The following NGEF variants were observed in gnomAD, a reference collection of about 807,000 sequenced individuals.
NGEF encodes ephexin-1.
In NGEF, 31 loss-of-function variants were observed where a neutral mutation model predicts 80.9. That is an observed-to-expected ratio of 0.38 (90% confidence interval 0.29 to 0.52). NGEF has a LOEUF of 0.52. Among genes scored for constraint, NGEF ranks in the 20% least tolerant of loss-of-function variants. The probability of loss-of-function intolerance (pLI) is 0.84; values close to 1 mark genes in which losing one functional copy is unlikely to be tolerated. For synonymous variants in NGEF, 371 were observed against 370.2 expected (o/e 1.00, Z -0.03); for missense variants, 709 against 926.2 (o/e 0.77, Z 3.04).
At chr2:232,922,778 C>T (rs1309176088) in intron 4 of NGEF, among the ~76,000 whole-genome samples, 1 of 152,152 alleles carries the variant, frequency 6.6e-6, no homozygotes, top group Non-Finnish European at 1.5e-5. Flanking sequence ...TTTAAAAATG[C>T]AGTTTCCAAG....
chr2:232,885,965 A>T (rs937091823), intron 9 of NGEF, among the ~76,000 whole-genome samples: 1 of 152,270 alleles, frequency 6.6e-6, no homozygotes, highest in African/African-American at 2.4e-5. Context: ...TAAAATAGTT[A>T]TGATCTATGC....
chr2:232,902,819 C>A (rs778870162), intron 5 of NGEF, among the ~76,000 whole-genome samples: 1 of 152,068 alleles, frequency 6.6e-6, no homozygotes, highest in Non-Finnish European at 1.5e-5. Context: ...ATGGTGAAAC[C>A]CCGTCTCTAC....
At chr2:232,987,564 G>A (rs1346454625) in intron 1 of NGEF, among the ~76,000 whole-genome samples, 1 of 152,144 alleles carries the variant, frequency 6.6e-6, no homozygotes, top group Non-Finnish European at 1.5e-5. Flanking sequence ...CCTGCAGGAA[G>A]GAGAGGCTCC....
chr2:232,885,923 C>G (rs1214297387), intron 9 of NGEF, among the ~76,000 whole-genome samples: 2 of 152,222 alleles, frequency 1.3e-5, no homozygotes, highest in East Asian at 3.9e-4. Context: ...GAAACACGCT[C>G]GCCAGCCTCA....
chr2:232,884,351 C>CATGA (rs1223990718), intron 10 of NGEF, among the ~76,000 whole-genome samples: 1 of 152,146 alleles, frequency 6.6e-6, no homozygotes, highest in African/African-American at 2.4e-5. Flanking sequence ...CCCCTGTGGG[C>CATGA]ATGAGTGTGC....
chr2:232,900,966 C>A (rs534973939), intron 5 of NGEF, among the ~76,000 whole-genome samples: 1 of 152,334 alleles, frequency 6.6e-6, no homozygotes, highest in African/African-American at 2.4e-5. Flanking sequence ...AGCCAGGTCC[C>A]GGAGTTAGGG....
At chr2:233,000,296 C>T (rs1205327148) in intron 1 of NGEF, among the ~76,000 whole-genome samples, 1 of 152,134 alleles carries the variant, frequency 6.6e-6, no homozygotes, top group Non-Finnish European at 1.5e-5. Context: ...TGGGGTTTTG[C>T]CATGTTGCCA....
intron 3 of NGEF, among the ~76,000 whole-genome samples, chr2:232,957,249 G>A (rs550954224): frequency 6.6e-6 from 1 of 152,166 alleles, no homozygotes; most frequent in Non-Finnish European, 1.5e-5. Flanking sequence ...GTAATTACAG[G>A]TAGAGAAAAT....
At chr2:232,908,095 G>A (rs1196471905) in intron 5 of NGEF, among the ~76,000 whole-genome samples, 2 of 152,138 alleles carry the variant, frequency 1.3e-5, no homozygotes, top group Admixed American at 1.3e-4. Flanking sequence ...GGGAGACAGA[G>A]TGAGACTCTG....
chr2:232,912,011 T>G (rs989389592), intron 5 of NGEF, among the ~76,000 whole-genome samples: 4 of 152,212 alleles, frequency 2.6e-5, no homozygotes, highest in Non-Finnish European at 5.9e-5. Context: ...CTTATTGCAC[T>G]GGCTAGGATT....
chr2:232,922,038 G>A (rs189498603), intron 4 of NGEF, among the ~76,000 whole-genome samples: 2 of 152,306 alleles, frequency 1.3e-5, no homozygotes, highest in African/African-American at 4.8e-5. Context: ...CCCAGGTGGA[G>A]GCCTCATGAG....
chr2:233,000,983 C>T (rs1334092244), intron 1 of NGEF, among the ~76,000 whole-genome samples: 1 of 152,166 alleles, frequency 6.6e-6, no homozygotes, highest in Admixed American at 6.5e-5. Flanking sequence ...AGTGTTGTAC[C>T]AGAGGCAGCC....
intron 5 of NGEF, among the ~76,000 whole-genome samples, chr2:232,916,741 C>T (rs1692811018): frequency 1.3e-5 from 2 of 152,230 alleles, no homozygotes; most frequent in South Asian, 2.1e-4. Context: ...CTGCTGGTAG[C>T]AATGTGACAC....
At chr2:232,994,923 C>T (rs1478796744) in intron 1 of NGEF, among the ~76,000 whole-genome samples, 1 of 122,888 alleles carries the variant, frequency 8.1e-6, no homozygotes, top group Admixed American at 8.5e-5. Context: ...GTATTATATA[C>T]ATACATGGAT....
intron 1 of NGEF, among the ~76,000 whole-genome samples, chr2:233,005,062 C>T (rs1351688337): frequency 6.6e-6 from 1 of 152,220 alleles, no homozygotes; most frequent in Admixed American, 6.5e-5. Context: ...CATTGCTAAC[C>T]TATCACAGCA....
At chr2:232,921,091 C>T (rs1692932917) in intron 4 of NGEF, among the ~76,000 whole-genome samples, 1 of 152,122 alleles carries the variant, frequency 6.6e-6, no homozygotes, top group Non-Finnish European at 1.5e-5. Context: ...GGAAACATTC[C>T]CTTTTTTGCT....
intron 5 of NGEF, among the ~76,000 whole-genome samples, chr2:232,908,091 C>A (rs1454224499): frequency 6.6e-6 from 1 of 152,112 alleles, no homozygotes; most frequent in African/African-American, 2.4e-5. Context: ...GCCTGGGAGA[C>A]AGAGTGAGAC....
At chr2:232,986,866 A>G (rs1005479219) in intron 1 of NGEF, among the ~76,000 whole-genome samples, 7 of 152,248 alleles carry the variant, frequency 4.6e-5, no homozygotes, top group Non-Finnish European at 8.8e-5. Context: ...ATCACATTGT[A>G]TACCTTGAAC....
chr2:232,883,546 C>T, intron 11 of NGEF, 80 bp from the exon 12 acceptor site: 2 of 1,361,382 alleles, frequency 1.5e-6, no homozygotes, highest in Non-Finnish European at 1.9e-6. Flanking sequence ...CTTGGCAGGC[C>T]AACAAGCCTG....
Sources: allele counts gnomAD v4.1 joint callset (sites outside exome capture counted in the v4.1 genomes callset), GRCh38; gene constraint gnomAD v4.1.1; transcripts MANE v1.5; gene names NCBI Gene and HGNC (gene_info 2026-07-23, HGNC 2026-07-21).